The following SLC25A28 variants were observed in gnomAD, a reference collection of about 807,000 sequenced individuals.
The protein encoded by SLC25A28 is mitoferrin-2.
Under a neutral mutation model 31.9 loss-of-function variants are expected in SLC25A28, and 10 were observed. The observed-to-expected ratio is 0.31, with a 90% CI of 0.19 to 0.53. The LOEUF (loss-of-function observed/expected upper bound fraction) is 0.53. Ranked by LOEUF, SLC25A28 falls within the 20% of genes least tolerant of loss-of-function variation. The pLI is 0.95. For synonymous variants in SLC25A28, 208 were observed against 203.6 expected (o/e 1.02, Z -0.19); for missense variants, 256 against 490.3 (o/e 0.52, Z 4.51).
the SLC25A28 span, among the ~76,000 whole-genome samples, chr10:99,653,633 T>A: frequency 6.6e-5 from 10 of 152,370 alleles, no homozygotes; most frequent in South Asian, 1.9e-3. Context: ...TTATCTGCCA[T>A]CTTGCCTTGA....
intron 1 of SLC25A28, chr10:99,618,128 G>T: frequency 2.8e-6 from 1 of 361,450 alleles, no homozygotes; most frequent in Non-Finnish European, 3.8e-6. Flanking sequence ...ATTCCATCTT[G>T]TCACAGGGCA....
At chr10:99,639,722 TACACACACACACACACACACAC>T in the SLC25A28 span, among the ~76,000 whole-genome samples, 1 of 131,056 alleles carries the variant, frequency 7.6e-6, no homozygotes, top group Non-Finnish European at 1.6e-5. Flanking sequence ...GCACCATGGG[TACACACACACACACACACACAC>T]ACACACACAC....
chr10:99,619,212 T>G, intron 1 of SLC25A28: 1 of 985,442 alleles, frequency 1.0e-6, no homozygotes, highest in Non-Finnish European at 1.2e-6. Context: ...TGTCCTCTTG[T>G]TGATCTCTTT....
In SLC25A28 at chr10:99,613,237, C is replaced by T. The variant is rs867785823; in HGVS notation, c.520+459G>A. 6.6e-6 allele frequency among the ~76,000 whole-genome samples: 1 copy of T among 152,134 alleles called. No homozygotes were observed. Among genetic ancestry groups the T allele is most frequent in the Non-Finnish European group, 1.5e-5 (1 of 68,030 alleles). On this transcript the variant is annotated intron_variant, in intron 2 of 3. Transcript: ENST00000370495. This position sits in a 1 kb window ranked among gnomAD's most constrained non-coding sequence, Gnocchi z 4.9. ...TTTTGTCATGAGGCTTTGTCATGTTCTCAACACAAACTGCCTCTGGTGAGT... is the reference window on the plus strand; with the variant it reads ...TTTTGTCATGAGGCTTTGTCATGTTTTCAACACAAACTGCCTCTGGTGAGT...
intron 1 of SLC25A28, chr10:99,619,267 TC>T (rs1182609994): frequency 5.1e-6 from 5 of 985,304 alleles, no homozygotes; most frequent in Middle Eastern, 5.2e-4. Context: ...CCGTCACACT[TC>T]CTTTCTAGGC....
At chr10:99,626,754 G>A in the SLC25A28 span, among the ~76,000 whole-genome samples, 1 of 150,642 alleles carries the variant, frequency 6.6e-6, no homozygotes, top group Non-Finnish European at 1.5e-5. Flanking sequence ...GATATTCTGT[G>A]TACATAAATA....
chr10:99,635,210 C>G, the SLC25A28 span, among the ~76,000 whole-genome samples: 1 of 152,132 alleles, frequency 6.6e-6, no homozygotes, highest in East Asian at 1.9e-4. Context: ...GCATAAATCA[C>G]ACAGGACCTA....
the SLC25A28 span, among the ~76,000 whole-genome samples, chr10:99,641,263 T>C: frequency 6.6e-6 from 1 of 152,212 alleles, no homozygotes; most frequent in African/African-American, 2.4e-5. Context: ...CCATTCTAAC[T>C]GGTGTGAGAT....
the SLC25A28 span, among the ~76,000 whole-genome samples, chr10:99,635,938 A>G: frequency 7.2e-5 from 11 of 152,202 alleles, no homozygotes; most frequent in Non-Finnish European, 1.5e-4. Context: ...GTAAACATAT[A>G]TGCACCTGAC....
At chr10:99,632,418 T>A in the SLC25A28 span, among the ~76,000 whole-genome samples, 1 of 152,122 alleles carries the variant, frequency 6.6e-6, no homozygotes. Flanking sequence ...CAGTCCCCCA[T>A]GGATACTGAG....
rs752095769 is a variant in SLC25A28, at chr10:99,611,426, A to C, written c.578-60T>G. 5 of 1,581,458 alleles carry C rather than the reference A, an allele frequency of 3.2e-6. No individual in the cohort carries two copies. Among genetic ancestry groups the C allele is most frequent in the Non-Finnish European group, 4.3e-6 (5 of 1,162,168 alleles). ...CAGCAGCCAACCGGTGATGGAGAGT[A>C]TCCAGATTCAGAGCCCCAAGTCAGC... On this transcript the variant is annotated intron_variant, in intron 3 of 3. Coordinates refer to ENST00000370495, the MANE Select transcript of SLC25A28 (RefSeq NM_031212.4). This position sits in a 1 kb window ranked among gnomAD's most constrained non-coding sequence, Gnocchi z 5.5.
intron 1 of SLC25A28, chr10:99,618,236 T>C: frequency 1.0e-6 from 1 of 957,970 alleles, no homozygotes; most frequent in Non-Finnish European, 1.2e-6. Flanking sequence ...ACTATGTAAA[T>C]ATATGGAGTA....
At chr10:99,656,410 G>A in the SLC25A28 span, among the ~76,000 whole-genome samples, 2 of 152,208 alleles carry the variant, frequency 1.3e-5, no homozygotes, top group African/African-American at 4.8e-5. Flanking sequence ...TCCTGCTCTG[G>A]TGAATCACAG....
chr10:99,625,331 G>A (rs2034865180), upstream of SLC25A28, among the ~76,000 whole-genome samples: 1 of 151,990 alleles, frequency 6.6e-6, no homozygotes, highest in Non-Finnish European at 1.5e-5. Context: ...CCCACATCCT[G>A]CTGATTGGTC....
At chr10:99,656,624 A>G in the SLC25A28 span, among the ~76,000 whole-genome samples, 1 of 152,158 alleles carries the variant, frequency 6.6e-6, no homozygotes, top group African/African-American at 2.4e-5. Flanking sequence ...TGTGGAGGGA[A>G]GGAGAATCCA....
the SLC25A28 span, among the ~76,000 whole-genome samples, chr10:99,646,861 T>C: frequency 9.8e-4 from 149 of 152,330 alleles, 1 homozygote; most frequent in African/African-American, 3.2e-3. Flanking sequence ...TGTCTAATAG[T>C]CCACACTGTA....
chr10:99,628,675 G>C, the SLC25A28 span, among the ~76,000 whole-genome samples: 2 of 152,142 alleles, frequency 1.3e-5, no homozygotes, highest in Non-Finnish European at 2.9e-5. Flanking sequence ...AAATTAATTA[G>C]CCGGGTGTGG....
the SLC25A28 span, among the ~76,000 whole-genome samples, chr10:99,658,053 G>C: frequency 6.6e-6 from 1 of 152,106 alleles, no homozygotes; most frequent in Non-Finnish European, 1.5e-5. Flanking sequence ...GCTGGGCATG[G>C]TGGCACGTGC....
At chr10:99,622,498 C>CT (rs1330139024), upstream of SLC25A28, among the ~76,000 whole-genome samples, 1 of 152,208 alleles carries the variant, frequency 6.6e-6, no homozygotes, top group African/African-American at 2.4e-5. Flanking sequence ...CTATCCACCT[C>CT]TATGTCCTTT....
Sources: allele counts gnomAD v4.1 joint callset (sites outside exome capture counted in the v4.1 genomes callset), GRCh38; gene constraint gnomAD v4.1.1; non-coding constraint Gnocchi (gnomAD v3.1); transcripts MANE v1.5; gene names NCBI Gene and HGNC (gene_info 2026-07-23, HGNC 2026-07-21).